Variants in NPHP4 observed in about 807,000 individuals in gnomAD.
NPHP4 encodes nephrocystin 4.
Under a neutral mutation model 155.8 loss-of-function variants are expected in NPHP4, and 151 were observed. The observed-to-expected ratio is 0.97, with a 90% confidence interval of 0.85 to 1.11. NPHP4 has a LOEUF of 1.11. NPHP4 is among the 50% of genes least tolerant of loss of function. The probability of loss-of-function intolerance (pLI) is 0.00; values close to 1 mark genes in which losing one functional copy is unlikely to be tolerated. For missense variants in NPHP4, 1,956 were observed against 1,925.7 expected, an observed-to-expected ratio of 1.02 and a Z score of -0.29; for synonymous variants, 845 against 816.8, an observed-to-expected ratio of 1.03 and a Z score of -0.59.
Position 5,910,589 on chromosome 1 carries a change from A to G in NPHP4, c.1442-1376T>C, listed in dbSNP as rs949321199. ...CTTACGGGACCTACGGACCAAGCACACAGCACAGAGGCCTGTGACGTCAAA... is the reference window on the plus strand; with the variant it reads ...CTTACGGGACCTACGGACCAAGCACGCAGCACAGAGGCCTGTGACGTCAAA... On this transcript the variant is annotated intron_variant, in intron 11 of 29. Coordinates refer to ENST00000378156, the MANE Select transcript of NPHP4 (RefSeq NM_015102.5). The surrounding 1 kb of genome is among the most constrained non-coding windows in gnomAD (Gnocchi z 5.4). Among the ~76,000 whole-genome samples, 2 of 152,182 alleles carry G rather than the reference A, an allele frequency of 1.3e-5. No homozygotes were observed. The highest frequency in any genetic ancestry group is 4.8e-5 in the African/African-American group (2 of 41,440).
At position 5,927,781 on chromosome 1, in the gene NPHP4, G is replaced by C; in HGVS notation, c.1309C>G (p.Gln437Glu). Residue 437 changes from glutamine to glutamate, a missense_variant, in exon 11 of 30, where the codon CAG (glutamine) becomes GAG (glutamate). Gln to Glu is a conservative substitution (Grantham distance 29, BLOSUM62 2). Coordinates refer to ENST00000378156, the MANE Select transcript of NPHP4 (RefSeq NM_015102.5). ...AACCGGAGTGTACCCGACTCCACCT[G>C]CTTCACCTGCAATGGACCAGAAGAG... ...SASMSSEEVK[Q>E]VESGTLRFQF... 6.2e-7 allele frequency: 1 copy of C among 1,609,602 alleles called. No homozygotes were observed. Among genetic ancestry groups the C allele is most frequent in the African/African-American group, 1.3e-5 (1 of 74,944 alleles).
chr1:5,972,092 A>G (rs947627607), intron 3 of NPHP4, among the ~76,000 whole-genome samples: 1 of 152,206 alleles, frequency 6.6e-6, no homozygotes, highest in African/African-American at 2.4e-5. Flanking sequence ...GCAGCCGGGC[A>G]CCCCCCATGG....
chr1:5,979,333 G>C (rs976759755), intron 2 of NPHP4, among the ~76,000 whole-genome samples: 1 of 152,004 alleles, frequency 6.6e-6, no homozygotes, highest in Admixed American at 6.6e-5. Context: ...GAGGTGGGTG[G>C]GGCGGGGCAG....
At chr1:5,878,561 G>C (rs1422435261) in intron 19 of NPHP4, among the ~76,000 whole-genome samples, 2 of 152,256 alleles carry the variant, frequency 1.3e-5, no homozygotes, top group African/African-American at 4.8e-5. Flanking sequence ...AAGGCACGAA[G>C]CACTGAGAAC....
rs1449997598 is a variant in NPHP4, at chr1:5,910,995, CCT to C, written c.1442-1784_1442-1783del. ...CAGCGCCCATTTGGCCCGCGCAGCT[CCT>C]CTGTAACCAGCCACAGTAACGTGGC... is the stretch of plus-strand genomic sequence containing the variant. On this transcript the variant is annotated intron_variant, in intron 11 of 29. Coordinates refer to ENST00000378156, the MANE Select transcript of NPHP4 (RefSeq NM_015102.5). This position sits in a 1 kb window ranked among gnomAD's most constrained non-coding sequence, Gnocchi z 5.4. Among the ~76,000 whole-genome samples, 3 of 152,254 alleles carry C rather than the reference CCT, an allele frequency of 2.0e-5. No homozygotes were observed. Among genetic ancestry groups the C allele is most frequent in the Non-Finnish European group, 4.4e-5 (3 of 68,042 alleles).
At chr1:5,951,945 G>A (rs1054876116) in intron 7 of NPHP4, among the ~76,000 whole-genome samples, 1 of 152,214 alleles carries the variant, frequency 6.6e-6, no homozygotes, top group African/African-American at 2.4e-5. Context: ...TAGGCAGGCT[G>A]AGCTCCACGC....
chr1:5,969,455 T>A (rs531726550), intron 3 of NPHP4, among the ~76,000 whole-genome samples, 196 bp from the exon 4 acceptor site: 1 of 152,150 alleles, frequency 6.6e-6, no homozygotes, highest in Non-Finnish European at 1.5e-5. Flanking sequence ...TCCCTCAGAC[T>A]GAAATGTTGG....
chr1:5,891,038 A>T lies in NPHP4; in HGVS notation c.2144-10T>A. On this transcript the variant is annotated splice_polypyrimidine_tract_variant and intron_variant, in intron 16 of 29. Transcript: ENST00000378156. ...TGGAAGCCAGGAGACCCTGTCAAAG[A>T]GGCACCAAAGGAGGCCAAAAGTAAT... 2 of 1,501,562 alleles carry T rather than the reference A, an allele frequency of 1.3e-6. No homozygotes were observed. Among genetic ancestry groups the T allele is most frequent in the Non-Finnish European group, 9.0e-7 (1 of 1,113,672 alleles). 93.0% of individuals were successfully genotyped at this position (1,501,562 alleles called of 1,614,324 possible).
At chr1:5,947,333 G>C in intron 8 of NPHP4, 103 bp from the exon 9 acceptor site, 6 of 1,241,078 alleles carry the variant, frequency 4.8e-6, no homozygotes, top group African/African-American at 1.5e-5. Flanking sequence ...CACCCTGGGG[G>C]ACACAGGGGT....
chr1:5,877,777 T>C (rs1642773681), intron 19 of NPHP4, among the ~76,000 whole-genome samples: 1 of 152,210 alleles, frequency 6.6e-6, no homozygotes, highest in Non-Finnish European at 1.5e-5. Flanking sequence ...CCCAAGCTCC[T>C]GCTCTCAACT....
chr1:5,915,900 A>C (rs1404874759), intron 11 of NPHP4, among the ~76,000 whole-genome samples: 2 of 152,156 alleles, frequency 1.3e-5, no homozygotes, highest in Non-Finnish European at 2.9e-5. Flanking sequence ...TGATTGACTG[A>C]ACCACCCTCA....
intron 1 of NPHP4, among the ~76,000 whole-genome samples, chr1:5,989,551 C>T (rs1228725577): frequency 2.2e-5 from 3 of 137,934 alleles, no homozygotes; most frequent in Non-Finnish European, 4.8e-5. Flanking sequence ...TTCTTGGTAC[C>T]GTCACAACTC....
intron 3 of NPHP4, among the ~76,000 whole-genome samples, chr1:5,976,881 G>A (rs1653686004): frequency 6.6e-6 from 1 of 152,158 alleles, no homozygotes; most frequent in Non-Finnish European, 1.5e-5. Context: ...TGACTGGCCA[G>A]AGCAGGCCCC....
chr1:5,867,009 T>C lies in NPHP4; in HGVS notation c.3558+21A>G. ...CTCACTGGGAAGGATCTGCCTGAGCTGGGGCCACAACACAACCTACCACAT... is the reference window on the plus strand; with the variant it reads ...CTCACTGGGAAGGATCTGCCTGAGCCGGGGCCACAACACAACCTACCACAT... On this transcript the variant is annotated intron_variant, in intron 25 of 29. Coordinates refer to ENST00000378156, the MANE Select transcript of NPHP4 (RefSeq NM_015102.5). This position sits in a 1 kb window ranked among gnomAD's most constrained non-coding sequence, Gnocchi z 4.1. The C allele has an allele frequency of 6.2e-7, 1 of 1,601,930 alleles. No homozygotes were observed. The highest frequency in any genetic ancestry group is 8.5e-7 in the Non-Finnish European group (1 of 1,170,256).
intron 18 of NPHP4, among the ~76,000 whole-genome samples, chr1:5,884,116 C>G (rs1388198081): frequency 6.6e-6 from 1 of 152,224 alleles, no homozygotes; most frequent in Middle Eastern, 3.2e-3. Flanking sequence ...CAGGGCACAA[C>G]TTGGATGTTA....
chr1:5,986,339 G>A lies in NPHP4; in HGVS notation c.-38-12C>T, dbSNP rs756862981. ...GCTTCCCGGATGATCTGTGCCAGTC[G>A]TATTCAAATAAAGAGAAGAGCTGTG... On this transcript the variant is annotated splice_polypyrimidine_tract_variant and intron_variant, in intron 1 of 29. Coordinates refer to ENST00000378156, the MANE Select transcript of NPHP4 (RefSeq NM_015102.5). 47 of 1,600,686 alleles carry A rather than the reference G, an allele frequency of 2.9e-5. No individual in the cohort carries two copies. The Admixed American group carries it at 3.6e-4, about 12-fold the overall frequency.
intron 9 of NPHP4, among the ~76,000 whole-genome samples, chr1:5,939,516 C>T (rs918585702): frequency 6.6e-6 from 1 of 152,240 alleles, no homozygotes; most frequent in Non-Finnish European, 1.5e-5. Flanking sequence ...TAGTCTGAGG[C>T]CTGGTGGCTG....
rs751011207 is a variant in NPHP4 at position 5,874,658 on chromosome 1, C to A, written c.3045-1G>T. ...CCACTCCTGACTGTCCACGATGACGCTGGGGGAGGCAGTGTCCAGGCGTCA... is the reference window on the plus strand; with the variant it reads ...CCACTCCTGACTGTCCACGATGACGATGGGGGAGGCAGTGTCCAGGCGTCA... On this transcript the variant is annotated splice_acceptor_variant, in intron 21 of 29. Transcript: ENST00000378156. LOFTEE classifies it high-confidence loss of function. 4.3e-6 allele frequency: 7 copies of A among 1,611,110 alleles called. No individual in the cohort carries two copies. In the South Asian group the frequency reaches 7.7e-5, roughly 18 times the overall value.
intron 9 of NPHP4, among the ~76,000 whole-genome samples, chr1:5,943,038 A>G (rs1474405578): frequency 6.6e-6 from 1 of 152,210 alleles, no homozygotes; most frequent in African/African-American, 2.4e-5. Flanking sequence ...CCACACTTGC[A>G]TGCATAAGAC....
Sources: gnomAD v4.1 joint callset for allele counts (sites outside exome capture counted in the v4.1 genomes callset) on GRCh38, gnomAD v4.1.1 for gene constraint, Gnocchi (gnomAD v3.1) non-coding constraint, MANE v1.5 for transcripts, NCBI Gene and HGNC (gene_info 2026-07-23, HGNC 2026-07-21) for gene names.